Variants in ADAMTSL1 observed in about 807,000 individuals in gnomAD.
The protein encoded by ADAMTSL1 is ADAMTS-like protein 1.
Under a neutral mutation model 201.8 loss-of-function variants are expected in ADAMTSL1, and 126 were observed. That is an observed-to-expected ratio of 0.62 (90% CI 0.54 to 0.72). The LOEUF is 0.72. Among genes scored for constraint, ADAMTSL1 ranks in the 30% least tolerant of loss-of-function variants. The pLI is 0.00. For missense variants in ADAMTSL1, 2,679 were observed against 2,277.8 expected, an observed-to-expected ratio of 1.18 and a Z score of -3.59; for synonymous variants, 1,121 against 903.4, an observed-to-expected ratio of 1.24 and a Z score of -4.32.
chr9:18,430,335 T>A (rs570144670), intron 2 of ADAMTSL1, among the ~76,000 whole-genome samples: 40 of 152,184 alleles, frequency 2.6e-4, no homozygotes, highest in Non-Finnish European at 4.6e-4. Context: ...CTTCCCAAAG[T>A]GTGCTCGCCT....
intron 26 of ADAMTSL1, chr9:18,905,539 G>A: frequency 1.9e-6 from 1 of 517,542 alleles, no homozygotes; most frequent in Non-Finnish European, 3.5e-6. Context: ...TCTCTTACTG[G>A]TTCTACACTA....
intron 12 of ADAMTSL1, among the ~76,000 whole-genome samples, chr9:18,682,849 A>G (rs777157797): frequency 1.3e-5 from 2 of 152,194 alleles, no homozygotes; most frequent in African/African-American, 2.4e-5. Context: ...GGAAACAAAA[A>G]AAAACAGAAA....
At chr9:18,027,845 A>G (rs1184343036) in intron 1 of ADAMTSL1, among the ~76,000 whole-genome samples, 1 of 152,054 alleles carries the variant, frequency 6.6e-6, no homozygotes, top group East Asian at 1.9e-4. Context: ...TTGTGTGGCT[A>G]CTTATTTTTA....
intron 1 of ADAMTSL1, among the ~76,000 whole-genome samples, chr9:17,939,973 C>T (rs951154111): frequency 3.3e-5 from 5 of 151,842 alleles, no homozygotes; most frequent in African/African-American, 1.2e-4. Flanking sequence ...ATAGGGAGAA[C>T]CAGAGTGTTG....
intron 2 of ADAMTSL1, among the ~76,000 whole-genome samples, chr9:18,230,005 A>G (rs578213001): frequency 6.6e-6 from 1 of 152,224 alleles, no homozygotes; most frequent in East Asian, 1.9e-4. Context: ...CCATTTAACC[A>G]AAATTTATTG....
chr9:18,880,318 C>G (rs1339610038), intron 23 of ADAMTSL1, among the ~76,000 whole-genome samples: 2 of 152,138 alleles, frequency 1.3e-5, no homozygotes, highest in Non-Finnish European at 2.9e-5. Context: ...TTACTTTTCC[C>G]AGATCCATTT....
intron 1 of ADAMTSL1, among the ~76,000 whole-genome samples, chr9:18,132,327 T>C (rs1166047099): frequency 1.3e-5 from 2 of 152,202 alleles, no homozygotes; most frequent in Non-Finnish European, 2.9e-5. Flanking sequence ...GTCTACCTTT[T>C]GCGTGTGTTT....
chr9:18,876,953 CT>C (rs1005588566), intron 23 of ADAMTSL1, among the ~76,000 whole-genome samples: 9 of 152,076 alleles, frequency 5.9e-5, no homozygotes, highest in African/African-American at 1.9e-4. Context: ...TTGTTTTAAT[CT>C]TTTTTTTCTT....
chr9:18,589,400 CTA>C (rs1344873199), intron 4 of ADAMTSL1, among the ~76,000 whole-genome samples: 1 of 152,052 alleles, frequency 6.6e-6, no homozygotes, highest in African/African-American at 2.4e-5. Flanking sequence ...TATAAAAACA[CTA>C]TGGATTTTTG....
intron 3 of ADAMTSL1, among the ~76,000 whole-genome samples, chr9:18,557,253 A>G (rs1213828257): frequency 6.6e-6 from 1 of 151,984 alleles, no homozygotes; most frequent in Non-Finnish European, 1.5e-5. Context: ...GTTAGAGTTT[A>G]CCACCCAGAG....
chr9:18,368,734 A>G (rs1294321982), intron 2 of ADAMTSL1, among the ~76,000 whole-genome samples: 1 of 152,188 alleles, frequency 6.6e-6, no homozygotes, highest in Non-Finnish European at 1.5e-5. Context: ...ATCATCCTGG[A>G]TGGTGAATAT....
At chr9:18,846,470 C>T (rs559230301) in intron 23 of ADAMTSL1, among the ~76,000 whole-genome samples, 2 of 152,174 alleles carry the variant, frequency 1.3e-5, no homozygotes, top group African/African-American at 2.4e-5. Flanking sequence ...CCTTTTTGGT[C>T]AGAGGTAAGG....
At chr9:18,095,068 A>T (rs765502410) in intron 1 of ADAMTSL1, among the ~76,000 whole-genome samples, 38 of 152,218 alleles carry the variant, frequency 2.5e-4, no homozygotes, top group Non-Finnish European at 3.8e-4. Context: ...GCTAAAAGAT[A>T]GTTCATGGAC....
chr9:18,457,670 A>G (rs551593108), intron 2 of ADAMTSL1, among the ~76,000 whole-genome samples: 1 of 152,272 alleles, frequency 6.6e-6, no homozygotes, highest in African/African-American at 2.4e-5. Flanking sequence ...CACTTCCAGA[A>G]CTTCCCTTCC....
intron 23 of ADAMTSL1, among the ~76,000 whole-genome samples, chr9:18,846,722 C>T (rs113736872): frequency 6.6e-5 from 10 of 152,032 alleles, no homozygotes; most frequent in African/African-American, 1.9e-4. Flanking sequence ...TCCAGGTAAC[C>T]ATAGATTACT....
chr9:18,650,325 C>G (rs560852838), intron 7 of ADAMTSL1, among the ~76,000 whole-genome samples: 3 of 152,312 alleles, frequency 2.0e-5, no homozygotes, highest in African/African-American at 7.2e-5. Flanking sequence ...AAGGGAACTC[C>G]CTGACCCCTT....
intron 2 of ADAMTSL1, among the ~76,000 whole-genome samples, chr9:18,388,673 C>T (rs1183007091): frequency 6.6e-6 from 1 of 151,600 alleles, no homozygotes; most frequent in Admixed American, 6.6e-5. Context: ...TCTCTGATCT[C>T]CTTTTTTCCT....
chr9:18,659,926 A>G (rs1314869535), intron 8 of ADAMTSL1, among the ~76,000 whole-genome samples: 2 of 152,152 alleles, frequency 1.3e-5, no homozygotes, highest in Non-Finnish European at 2.9e-5. Flanking sequence ...TTTTAAAAAA[A>G]AAAATGAAAA....
intron 10 of ADAMTSL1, among the ~76,000 whole-genome samples, chr9:18,679,811 T>C (rs1205141592): frequency 3.4e-5 from 5 of 145,740 alleles, no homozygotes; most frequent in Admixed American, 6.9e-5. Flanking sequence ...TTTACCTTGA[T>C]CTTTTATGAG....
Sources: gnomAD v4.1 joint callset for allele counts (sites outside exome capture counted in the v4.1 genomes callset) on GRCh38, gnomAD v4.1.1 for gene constraint, MANE v1.5 for transcripts, NCBI Gene and HGNC (gene_info 2026-07-23, HGNC 2026-07-21) for gene names.